UNC5C: variants seen among roughly 807,000 people sequenced by gnomAD.
The protein encoded by UNC5C is unc-5 netrin receptor C, also known as netrin receptor UNC5C.
Under a neutral mutation model 99.8 loss-of-function variants are expected in UNC5C, and 47 were observed. That is an observed-to-expected ratio of 0.47 (90% CI 0.37 to 0.60). The LOEUF is 0.60. Among genes scored for constraint, UNC5C ranks in the 20% least tolerant of loss-of-function variants. The pLI is 0.00. For missense variants in UNC5C, 1,062 were observed against 1,165.9 expected, an observed-to-expected ratio of 0.91 and a Z score of 1.30; for synonymous variants, 487 against 452.2, an observed-to-expected ratio of 1.08 and a Z score of -0.98.
At chr4:95,475,152 A>T (rs1013329738) in intron 1 of UNC5C, among the ~76,000 whole-genome samples, 9 of 152,002 alleles carry the variant, frequency 5.9e-5, no homozygotes, top group African/African-American at 2.2e-4. Context: ...AAATGCCTCA[A>T]CTTTCCCAAT....
In UNC5C at chr4:95,178,160, C is replaced by T. The variant is rs559252921; in HGVS notation, c.2451+4737G>A. On this transcript the variant is annotated intron_variant, in intron 14 of 15. Transcript: ENST00000453304. The stretch of plus-strand genomic sequence containing the variant: ...TAATCTCAGGTTGCCCCGTCCTTAC[C>T]GTGACTTGACCTGACTCATAGGCTC... 4.2e-4 allele frequency among the ~76,000 whole-genome samples: 64 copies of T among 152,338 alleles called. No homozygotes were observed. The South Asian group carries it at 7.0e-3, about 17-fold the overall frequency.
chr4:95,487,814 A>G (rs1267092432), intron 1 of UNC5C, among the ~76,000 whole-genome samples: 1 of 151,784 alleles, frequency 6.6e-6, no homozygotes, highest in African/African-American at 2.4e-5. Flanking sequence ...AGCAAGTCAA[A>G]CTATAGCCTT....
intron 1 of UNC5C, among the ~76,000 whole-genome samples, chr4:95,456,457 G>A (rs1747430462): frequency 6.6e-6 from 1 of 152,048 alleles, no homozygotes; most frequent in Non-Finnish European, 1.5e-5. Context: ...TTCACTGACT[G>A]TGTCATTAGA....
At chr4:95,460,241 A>G (rs1462324487) in intron 1 of UNC5C, among the ~76,000 whole-genome samples, 1 of 144,254 alleles carries the variant, frequency 6.9e-6, no homozygotes. Context: ...TATAACTTGA[A>G]TTTTCAAGAA....
intron 2 of UNC5C, among the ~76,000 whole-genome samples, chr4:95,329,915 G>A (rs906341810): frequency 5.9e-5 from 9 of 152,168 alleles, no homozygotes; most frequent in Non-Finnish European, 1.5e-5. Flanking sequence ...TGATGATGGT[G>A]ATGGTGGCGA....
At chr4:95,218,105 T>C (rs1025165778) in intron 9 of UNC5C, among the ~76,000 whole-genome samples, 5 of 152,202 alleles carry the variant, frequency 3.3e-5, no homozygotes, top group African/African-American at 1.2e-4. Context: ...TATACACATA[T>C]TATGTTTTTT....
rs77737214 is a variant in UNC5C at position 95,473,985 on chromosome 4, C to G, written c.124+74749G>C. Among the ~76,000 whole-genome samples the G allele has an allele frequency of 4.6e-5, 7 of 152,168 alleles. No individual in the cohort carries two copies. The East Asian group carries it at 1.2e-3, about 25-fold the overall frequency. ...AATCACAAAACATGTTTTTCTTCAG[C>G]CTTCAATTTTCTCTGTGTGGAGACA... On this transcript the variant is annotated intron_variant, in intron 1 of 15. Coordinates refer to ENST00000453304, the MANE Select transcript of UNC5C (RefSeq NM_003728.4).
chr4:95,207,304 CT>C (rs1737916956), intron 10 of UNC5C, among the ~76,000 whole-genome samples: 1 of 152,128 alleles, frequency 6.6e-6, no homozygotes, highest in South Asian at 2.1e-4. Context: ...ATAATTTAGG[CT>C]AGTACAGCAG....
chr4:95,490,374 T>C (rs941446141), intron 1 of UNC5C, among the ~76,000 whole-genome samples: 8 of 151,850 alleles, frequency 5.3e-5, no homozygotes, highest in Admixed American at 4.0e-4. Flanking sequence ...CAGTCACATT[T>C]TATTGCTTAG....
chr4:95,548,118 C>T (rs1307817526), intron 1 of UNC5C, among the ~76,000 whole-genome samples: 12 of 152,272 alleles, frequency 7.9e-5, no homozygotes, highest in South Asian at 4.1e-4. Flanking sequence ...CATCCCGGGC[C>T]TGCCTCCAGC....
rs1579208196 is a variant in UNC5C at position 95,184,421 on chromosome 4, T to C, written c.2286+626A>G. Among the ~76,000 whole-genome samples the C allele has an allele frequency of 2.0e-5, 3 of 152,146 alleles. No individual in the cohort carries two copies. The East Asian group carries it at 5.8e-4, about 29-fold the overall frequency. On this transcript the variant is annotated intron_variant, in intron 13 of 15. Coordinates refer to ENST00000453304, the MANE Select transcript of UNC5C (RefSeq NM_003728.4). ...GCTCTCTAAATATGTCTGCCCCTCCTAGGATGGCATATGAGGCTTGCAATC... is the reference window on the plus strand; with the variant it reads ...GCTCTCTAAATATGTCTGCCCCTCCCAGGATGGCATATGAGGCTTGCAATC...
rs367597884 is a variant in UNC5C at position 95,383,479 on chromosome 4, C to T, written c.125-47848G>A. ...GTTTTCCCCTTTTATAAAACTAGTCCCATAATAGCCATTCTTGAGATTTCT... is the reference window on the plus strand; with the variant it reads ...GTTTTCCCCTTTTATAAAACTAGTCTCATAATAGCCATTCTTGAGATTTCT... On this transcript the variant is annotated intron_variant, in intron 1 of 15. Transcript: ENST00000453304. 5.9e-5 allele frequency among the ~76,000 whole-genome samples: 9 copies of T among 152,212 alleles called. No individual in the cohort carries two copies. The South Asian group carries it at 1.5e-3, about 25-fold the overall frequency.
At chr4:95,384,800 T>C (rs1745165812) in intron 1 of UNC5C, among the ~76,000 whole-genome samples, 1 of 152,090 alleles carries the variant, frequency 6.6e-6, no homozygotes, top group South Asian at 2.1e-4. Flanking sequence ...GGAGAGCCTC[T>C]ACCAAAATAG....
chr4:95,299,985 C>A (rs1741810315), intron 3 of UNC5C, among the ~76,000 whole-genome samples: 1 of 152,162 alleles, frequency 6.6e-6, no homozygotes, highest in Non-Finnish European at 1.5e-5. Context: ...TGGTCCACAT[C>A]TAAATGAAGA....
chr4:95,489,465 A>C (rs182706604), intron 1 of UNC5C, among the ~76,000 whole-genome samples: 270 of 151,760 alleles, frequency 1.8e-3, no homozygotes, highest in African/African-American at 6.4e-3. Flanking sequence ...GATAGAGATG[A>C]GGTATTAGAA....
chr4:95,491,634 C>T (rs1242622214), intron 1 of UNC5C, among the ~76,000 whole-genome samples: 1 of 151,554 alleles, frequency 6.6e-6, no homozygotes, highest in Non-Finnish European at 1.5e-5. Flanking sequence ...GTAATTACCA[C>T]ATCAGATAGT....
At chr4:95,424,523 T>TC (rs1357122318) in intron 1 of UNC5C, among the ~76,000 whole-genome samples, 17 of 128,644 alleles carry the variant, frequency 1.3e-4, no homozygotes, top group Admixed American at 2.3e-4. Flanking sequence ...CTTTTCTTTT[T>TC]TTTTTTTTTT....
chr4:95,247,946 T>A (rs1308120579), intron 5 of UNC5C: 3 of 152,324 alleles, frequency 2.0e-5, no homozygotes, highest in Non-Finnish European at 4.4e-5. Flanking sequence ...TAAAAAGAGA[T>A]AAGAAGAAGA....
chr4:95,426,231 G>A (rs2149458528), intron 1 of UNC5C, among the ~76,000 whole-genome samples: 1 of 152,216 alleles, frequency 6.6e-6, no homozygotes, highest in Middle Eastern at 3.4e-3. Flanking sequence ...GGTGATCTTT[G>A]ATCAGTGATC....
Sources: allele counts gnomAD v4.1 joint callset (sites outside exome capture counted in the v4.1 genomes callset), GRCh38; gene constraint gnomAD v4.1.1; transcripts MANE v1.5; gene names NCBI Gene and HGNC (gene_info 2026-07-23, HGNC 2026-07-21).